The following GTF3C3 variants were observed in gnomAD, a reference collection of about 807,000 sequenced individuals.
GTF3C3 encodes the protein general transcription factor IIIC subunit 3.
A neutral mutation model predicts 105.2 loss-of-function variants in GTF3C3; 75 were observed. The ratio of observed to expected loss-of-function variants is 0.71; its 90% CI spans 0.59 to 0.86. The LOEUF is 0.86. Among genes scored for constraint, GTF3C3 ranks in the 40% least tolerant of loss-of-function variants. The probability of loss-of-function intolerance (pLI) is 0.00; values close to 1 mark genes in which losing one functional copy is unlikely to be tolerated. For missense variants in GTF3C3, 856 were observed against 1,076.5 expected, an observed-to-expected ratio of 0.80 and a Z score of 2.87; for synonymous variants, 335 against 370.4, an observed-to-expected ratio of 0.90 and a Z score of 1.10.
In GTF3C3 at chr2:196,776,160, C is replaced by A. The variant is rs1411785274; in HGVS notation, c.1594-49G>T. 14 of 1,012,192 alleles carry A rather than the reference C, an allele frequency of 1.4e-5. No homozygotes were observed. The highest frequency in any genetic ancestry group is 2.5e-5 in the East Asian group (1 of 40,646). The allele number at this position is 1,012,192 out of a possible 1,614,324, so 62.7% of individuals were successfully genotyped here. A position where few individuals can be genotyped will look rare whatever the true frequency, so the allele number is the denominator to read the frequency against. On this transcript the variant is annotated intron_variant, in intron 11 of 17. Transcript: ENST00000263956. This position sits in a 1 kb window ranked among gnomAD's most constrained non-coding sequence, Gnocchi z 4.5. ...TGAGCCTAACAAGATTCCTTTTCTA[C>A]AAATTGTTTTATTTGCATAGAAACA...
At chr2:196,767,967 T>C (rs1699096689) in intron 16 of GTF3C3, among the ~76,000 whole-genome samples, 1 of 152,236 alleles carries the variant, frequency 6.6e-6, no homozygotes, top group South Asian at 2.1e-4. Flanking sequence ...GGTAGCCACT[T>C]TGTAGGTACT....
At chr2:196,768,637 CTTT>C (rs959101283) in intron 16 of GTF3C3, among the ~76,000 whole-genome samples, 2 of 151,986 alleles carry the variant, frequency 1.3e-5, no homozygotes, top group African/African-American at 4.8e-5. Context: ...TTCTCAGAAA[CTTT>C]TTTTATGGAA....
intron 6 of GTF3C3, among the ~76,000 whole-genome samples, chr2:196,787,554 T>C (rs1337105682): frequency 6.6e-6 from 1 of 152,202 alleles, no homozygotes; most frequent in East Asian, 1.9e-4. Flanking sequence ...TCGTACCTAC[T>C]TCAGTTCACC....
intron 17 of GTF3C3, 135 bp downstream of exon 17, chr2:196,766,430 T>C: frequency 1.6e-6 from 1 of 644,222 alleles, no homozygotes; most frequent in Non-Finnish European, 2.6e-6. Flanking sequence ...TTCCTGAACA[T>C]AATTACGTAA....
At chr2:196,796,527 A>AG (rs1699648389) in intron 2 of GTF3C3, among the ~76,000 whole-genome samples, 1 of 152,212 alleles carries the variant, frequency 6.6e-6, no homozygotes, top group Non-Finnish European at 1.5e-5. Context: ...TTTTAAGTTC[A>AG]GGAGTACATG....
Position 196,771,733 on chromosome 2 carries a change from T to C in GTF3C3, c.2260+15A>G, listed in dbSNP as rs1257666668. The C allele has an allele frequency of 6.3e-7, 1 of 1,578,638 alleles. No homozygotes were observed. Among genetic ancestry groups the C allele is most frequent in the Admixed American group, 1.7e-5 (1 of 59,984 alleles). On this transcript the variant is annotated intron_variant, in intron 15 of 17. Coordinates refer to ENST00000263956, the MANE Select transcript of GTF3C3 (RefSeq NM_012086.5). Reference sequence around the variant, plus strand: ...ACTATTTATGCTTGACAAAGTCACGTGCCAGGACACTTACCAAGCGCATGC... The same window carrying C: ...ACTATTTATGCTTGACAAAGTCACGCGCCAGGACACTTACCAAGCGCATGC...
At chr2:196,788,901 CA>C (rs111889750) in intron 6 of GTF3C3, among the ~76,000 whole-genome samples, 1 of 150,952 alleles carries the variant, frequency 6.6e-6, no homozygotes, top group Non-Finnish European at 1.5e-5. Flanking sequence ...CCTGTCTCTA[CA>C]AAAAAAAATT....
chr2:196,765,562 C>T (rs886498495), intron 17 of GTF3C3, among the ~76,000 whole-genome samples: 2 of 149,060 alleles, frequency 1.3e-5, no homozygotes, highest in African/African-American at 2.4e-5. Context: ...TATGAATATG[C>T]GTATACACCT....
At chr2:196,791,106 C>T (rs1699540768) in intron 4 of GTF3C3, among the ~76,000 whole-genome samples, 1 of 151,950 alleles carries the variant, frequency 6.6e-6, no homozygotes, top group Admixed American at 6.6e-5. Flanking sequence ...AATCTCTCAA[C>T]TGAAACATTA....
chr2:196,790,739 T>A (rs1353492038), intron 4 of GTF3C3, among the ~76,000 whole-genome samples: 1 of 152,070 alleles, frequency 6.6e-6, no homozygotes, highest in Non-Finnish European at 1.5e-5. Context: ...ATAATAAGAC[T>A]TCTAAAAGGA....
chr2:196,779,121 T>A, intron 9 of GTF3C3, 54 bp from the exon 10 acceptor site: 3 of 1,216,808 alleles, frequency 2.5e-6, no homozygotes, highest in Non-Finnish European at 2.4e-6. Flanking sequence ...CGTGCACATC[T>A]ATCTATAGCT....
rs1446820870 is a variant in GTF3C3, at chr2:196,780,605, T to A, written c.1172A>T (p.Lys391Met). The change falls in exon 9 of 18, where the codon AAG (lysine) becomes ATG (methionine). Residue 391 changes from lysine to methionine, a missense_variant. Lys to Met is a moderately conservative substitution (Grantham distance 95). Transcript: ENST00000263956. ...GAGATGTACAAGGCAGACCATCAAC[T>A]TCACTGTGATATCTATTGGCACGCC... Reference protein sequence around the residue: ...PDGVPIDITVKLMVCLVHLNI... With the variant: ...PDGVPIDITVMLMVCLVHLNI... 1.2e-6 allele frequency: 2 copies of A among 1,613,502 alleles called. No homozygotes were observed. The highest frequency in any genetic ancestry group is 1.7e-6 in the Non-Finnish European group (2 of 1,179,696).
chr2:196,764,821 A>G, intron 17 of GTF3C3, 136 bp from the exon 18 acceptor site: 1 of 611,486 alleles, frequency 1.6e-6, no homozygotes, highest in Non-Finnish European at 2.8e-6. Context: ...AAAAAATTAT[A>G]AAACTATGCA....
Position 196,784,763 on chromosome 2 carries a change from C to G in GTF3C3, c.1114+94G>C, listed in dbSNP as rs541299803. 1.8e-4 allele frequency: 254 copies of G among 1,416,070 alleles called. No homozygotes were observed. The African/African-American group carries it at 3.4e-3, about 19-fold the overall frequency. 87.7% of individuals were successfully genotyped at this position (1,416,070 alleles called of 1,614,324 possible). A position where few individuals can be genotyped will look rare whatever the true frequency, so the allele number is the denominator to read the frequency against. ...TTATTATGAGAACATTAACTATCAA[C>G]TCACCACAGTATGAAATAAATTTTC... On this transcript the variant is annotated intron_variant, in intron 8 of 17. Coordinates refer to ENST00000263956, the MANE Select transcript of GTF3C3 (RefSeq NM_012086.5).
At chr2:196,787,448 T>C (rs1346077535) in intron 6 of GTF3C3, among the ~76,000 whole-genome samples, 16 of 152,178 alleles carry the variant, frequency 1.1e-4, no homozygotes, top group Non-Finnish European at 5.9e-5. Flanking sequence ...TCCTGATACC[T>C]CTCTGCACTG....
intron 8 of GTF3C3, 30 bp from the exon 9 acceptor site, chr2:196,780,692 C>T: frequency 1.3e-6 from 2 of 1,599,836 alleles, no homozygotes; most frequent in Non-Finnish European, 1.7e-6. Context: ...GAAGCAGTTA[C>T]TATATGCAAG....
chr2:196,768,673 G>T (rs909754178), intron 16 of GTF3C3, among the ~76,000 whole-genome samples: 2 of 152,014 alleles, frequency 1.3e-5, no homozygotes, highest in Non-Finnish European at 2.9e-5. Flanking sequence ...ACACAAAAGA[G>T]ATTAGTCCAA....
chr2:196,791,129 AAC>A (rs374366020), intron 4 of GTF3C3, among the ~76,000 whole-genome samples: 3 of 152,332 alleles, frequency 2.0e-5, no homozygotes, highest in Admixed American at 6.5e-5. Flanking sequence ...AAAAAAAAGT[AAC>A]AGTGAAATTC....
chr2:196,793,125 G>C lies in GTF3C3; in HGVS notation c.242C>G (p.Ser81Ter). ...CATGGAAGCAAAGACCTTGTGAACT[G>C]ACTTCCTCACTCCATCTGATGTTTC... is the stretch of plus-strand genomic sequence containing the variant. ...EGETSDGVRK[S>*]VHKVFASMLG... The change falls in exon 3 of 18, where the codon TCA becomes TGA. Residue 81 changes from serine (S) to a stop codon, truncating the protein, a stop_gained. Transcript: ENST00000263956. LOFTEE classifies it high-confidence loss of function. 1 of 1,612,784 alleles carries C rather than the reference G, an allele frequency of 6.2e-7. No homozygotes were observed. Among genetic ancestry groups the C allele is most frequent in the Admixed American group, 1.7e-5 (1 of 59,908 alleles).
Sources: gnomAD v4.1 joint callset for allele counts (sites outside exome capture counted in the v4.1 genomes callset) on GRCh38, gnomAD v4.1.1 for gene constraint, Gnocchi (gnomAD v3.1) non-coding constraint, MANE v1.5 for transcripts, NCBI Gene and HGNC (gene_info 2026-07-23, HGNC 2026-07-21) for gene names.